FBXL2: variants seen among roughly 807,000 people sequenced by gnomAD.
FBXL2 encodes F-box and leucine rich repeat protein 2, also known as F-box/LRR-repeat protein 2.
A neutral mutation model predicts 69.2 loss-of-function variants in FBXL2; 38 were observed. The ratio of observed to expected loss-of-function variants is 0.55; its 90% confidence interval spans 0.42 to 0.72. The LOEUF (loss-of-function observed/expected upper bound fraction) is 0.72. Ranked by LOEUF, FBXL2 falls within the 30% of genes least tolerant of loss-of-function variation. The probability of loss-of-function intolerance (pLI) is 0.00; values close to 1 mark genes in which losing one functional copy is unlikely to be tolerated. For missense variants in FBXL2, 354 were observed against 520.3 expected, an observed-to-expected ratio of 0.68 and a Z score of 3.11; for synonymous variants, 192 against 201.3, an observed-to-expected ratio of 0.95 and a Z score of 0.39.
chr3:33,405,185 AAG>A (rs2044384189), downstream of FBXL2, among the ~76,000 whole-genome samples: 1 of 152,178 alleles, frequency 6.6e-6, no homozygotes, highest in Non-Finnish European at 1.5e-5. Context: ...AAAAATAAAT[AAG>A]AAAAAAATTT....
chr3:33,284,047 C>T (rs576829465), intron 1 of FBXL2, among the ~76,000 whole-genome samples: 2 of 152,276 alleles, frequency 1.3e-5, no homozygotes, highest in East Asian at 3.9e-4. Context: ...GTCTCTATCT[C>T]CTTCAGTTCT....
rs941798559 is a variant in FBXL2, at chr3:33,386,548, T to A, written c.*940T>A. 4 of 151,980 alleles carry A rather than the reference T, an allele frequency of 2.6e-5. No individual in the cohort carries two copies. The highest frequency in any genetic ancestry group is 9.7e-5 in the African/African-American group (4 of 41,370). 9.4% of individuals were successfully genotyped at this position (151,980 alleles called of 1,614,324 possible). ...GTTACACCATAGCTACTCAAAAGTTTTACACACTTAAAACTCAGATCAGTA... is the reference window on the plus strand; with the variant it reads ...GTTACACCATAGCTACTCAAAAGTTATACACACTTAAAACTCAGATCAGTA... On this transcript the variant is annotated 3_prime_UTR_variant, in exon 15 of 15. Transcript: ENST00000484457.
At chr3:33,399,437 CTG>C (rs2044137493) in intron 12 of FBXL2, among the ~76,000 whole-genome samples, 1 of 152,120 alleles carries the variant, frequency 6.6e-6, no homozygotes, top group Non-Finnish European at 1.5e-5. Context: ...TATATAAAAA[CTG>C]TAATTGAGTA....
chr3:33,372,252 C>G (rs919073082), intron 5 of FBXL2: 3 of 152,238 alleles, frequency 2.0e-5, no homozygotes, highest in Non-Finnish European at 4.4e-5. Flanking sequence ...TTGAGGGGCA[C>G]CCTCCACAGA....
In FBXL2 at chr3:33,353,055, A is replaced by G. The variant is rs184251577; in HGVS notation, c.66-5912A>G. On this transcript the variant is annotated intron_variant, in intron 2 of 14. Transcript: ENST00000484457. ...AAGATGCTTAATATGATATGTCACTAGAGAATTGAAAATTAAGACAATGAG... is the reference window on the plus strand; with the variant it reads ...AAGATGCTTAATATGATATGTCACTGGAGAATTGAAAATTAAGACAATGAG... 4.5e-3 allele frequency among the ~76,000 whole-genome samples: 690 copies of G among 152,368 alleles called. 4 individuals carry two copies. The highest frequency in any genetic ancestry group is 0.016 in the African/African-American group (645 of 41,584).
At chr3:33,370,060 G>A (rs1037149768) in intron 5 of FBXL2, among the ~76,000 whole-genome samples, 1 of 152,030 alleles carries the variant, frequency 6.6e-6, no homozygotes, top group Admixed American at 6.6e-5. Flanking sequence ...CTGCAAGTCT[G>A]ATTAATTCTT....
chr3:33,299,463 T>G (rs1447516543), intron 2 of FBXL2, among the ~76,000 whole-genome samples: 1 of 152,226 alleles, frequency 6.6e-6, no homozygotes, highest in African/African-American at 2.4e-5. Context: ...GGAATGACTA[T>G]GAGTTTTGTT....
Position 33,370,947 on chromosome 3 carries a change from T to C in FBXL2, c.291-2145T>C, listed in dbSNP as rs1035580857. 2.0e-5 allele frequency among the ~76,000 whole-genome samples: 3 copies of C among 150,344 alleles called. No individual in the cohort carries two copies. The Admixed American group carries it at 2.0e-4, about 10-fold the overall frequency. On this transcript the variant is annotated intron_variant, in intron 5 of 14. Transcript: ENST00000484457. ...TATTTCTTCAGTATTTTTTCCTTCT[T>C]CCTCTGTCTCTCTTATTTAGTGATT...
intron 2 of FBXL2, among the ~76,000 whole-genome samples, chr3:33,314,096 C>G (rs187195257): frequency 6.6e-6 from 1 of 151,816 alleles, no homozygotes; most frequent in African/African-American, 2.4e-5. Context: ...TTGATATCCT[C>G]TTTAATTTTT....
chr3:33,341,674 A>C (rs1472471433), intron 2 of FBXL2, among the ~76,000 whole-genome samples: 1 of 151,814 alleles, frequency 6.6e-6, no homozygotes, highest in Non-Finnish European at 1.5e-5. Context: ...TACTAAAAAT[A>C]CAAAAATTAG....
At position 33,364,385 on chromosome 3, in the gene FBXL2, GTGTT is replaced by G. The variant is rs2041821611; in HGVS notation, c.196-234_196-231del. ...TGTACAGGTTTTGGTTTTTGCATTT[GTGTT>G]TGTTTTTGTTTGTTGGTTGGTTTTA... On this transcript the variant is annotated intron_variant, in intron 4 of 14. Coordinates refer to ENST00000484457, the MANE Select transcript of FBXL2 (RefSeq NM_012157.5). 7.6e-6 allele frequency: 4 copies of G among 528,922 alleles called. No individual in the cohort carries two copies. In the South Asian group the frequency reaches 9.0e-5, roughly 12 times the overall value. 32.8% of individuals were successfully genotyped at this position (528,922 alleles called of 1,614,324 possible).
the FBXL2 span, chr3:33,412,672 A>C: frequency 8.5e-7 from 1 of 1,183,350 alleles, no homozygotes; most frequent in Non-Finnish European, 1.3e-6. Context: ...ATTACTGGCT[A>C]TAGCTAAACA....
At chr3:33,306,002 ATTG>A (rs1207403037) in intron 2 of FBXL2, among the ~76,000 whole-genome samples, 1 of 151,586 alleles carries the variant, frequency 6.6e-6, no homozygotes, top group African/African-American at 2.4e-5. Context: ...ATTCTTTTCT[ATTG>A]TTTCTTCGTT....
chr3:33,337,183 C>T (rs1035283210), intron 2 of FBXL2, among the ~76,000 whole-genome samples: 4 of 151,982 alleles, frequency 2.6e-5, no homozygotes, highest in South Asian at 4.2e-4. Flanking sequence ...CCAGCCTGGG[C>T]GACAGAGCAA....
chr3:33,306,987 G>A (rs1223326821), intron 2 of FBXL2, among the ~76,000 whole-genome samples: 3 of 152,000 alleles, frequency 2.0e-5, no homozygotes, highest in Non-Finnish European at 4.4e-5. Flanking sequence ...GAAAGGTGGG[G>A]GAAATGCTTG....
chr3:33,349,635 C>T (rs1040055268), intron 2 of FBXL2, among the ~76,000 whole-genome samples: 4 of 152,116 alleles, frequency 2.6e-5, no homozygotes, highest in Admixed American at 1.3e-4. Flanking sequence ...GAAGTATTCC[C>T]TCTTCATCTG....
chr3:33,356,635 A>G (rs2041224462), intron 2 of FBXL2, among the ~76,000 whole-genome samples: 1 of 152,156 alleles, frequency 6.6e-6, no homozygotes, highest in African/African-American at 2.4e-5. Flanking sequence ...GGTGTGAGCC[A>G]CTGTGCCCAT....
In FBXL2 at chr3:33,373,905, A is replaced by C; in HGVS notation, c.641A>C (p.Asn214Thr). 6.2e-7 allele frequency: 1 copy of C among 1,614,230 alleles called. No homozygotes were observed. The highest frequency in any genetic ancestry group is 8.5e-7 in the Non-Finnish European group (1 of 1,180,024). Reference protein sequence around the residue: ...QNYCHELVSLNLQSCSRITDE... With the variant: ...QNYCHELVSLTLQSCSRITDE... Reference sequence around the variant, plus strand: ...TACTGCCATGAGCTTGTGAGCCTCAACTTGCAGTCCTGCTCAGTAAGTAGC... The same window carrying C: ...TACTGCCATGAGCTTGTGAGCCTCACCTTGCAGTCCTGCTCAGTAAGTAGC... The change falls in exon 9 of 15, where the codon AAC becomes ACC. Residue 214 changes from asparagine to threonine, a missense_variant. By Grantham distance (65) the Asn-to-Thr change is moderately conservative. Coordinates refer to ENST00000484457, the MANE Select transcript of FBXL2 (RefSeq NM_012157.5).
chr3:33,306,361 A>T (rs986707498), intron 2 of FBXL2, among the ~76,000 whole-genome samples: 25 of 152,180 alleles, frequency 1.6e-4, no homozygotes, highest in Admixed American at 5.2e-4. Flanking sequence ...AAACTTTGCC[A>T]GTCACCAAAG....
Sources: allele counts gnomAD v4.1 joint callset (sites outside exome capture counted in the v4.1 genomes callset), GRCh38; gene constraint gnomAD v4.1.1; transcripts MANE v1.5; gene names NCBI Gene and HGNC (gene_info 2026-07-23, HGNC 2026-07-21).